RHOU: variants seen among roughly 807,000 people sequenced by gnomAD.
The protein encoded by RHOU is rho-related GTP-binding protein RhoU.
Under a neutral mutation model 12.6 loss-of-function variants are expected in RHOU, and 8 were observed. That is an observed-to-expected ratio of 0.64 (90% CI 0.37 to 1.15). RHOU has a LOEUF of 1.15. Ranked by LOEUF, RHOU falls within the 50% of genes most tolerant of loss-of-function variation. The pLI is 0.01. For missense variants in RHOU, 258 were observed against 347.0 expected (o/e 0.74, Z 2.04); for synonymous variants, 161 against 147.4 (o/e 1.09, Z -0.67).
At chr1:228,684,134 T>G in the RHOU span, among the ~76,000 whole-genome samples, 1 of 151,656 alleles carries the variant, frequency 6.6e-6, no homozygotes, top group Non-Finnish European at 1.5e-5. Context: ...AGCTCCCAGG[T>G]TCAAGCAATT....
upstream of RHOU, among the ~76,000 whole-genome samples, chr1:228,731,056 A>T (rs573833251): frequency 3.9e-5 from 6 of 152,174 alleles, no homozygotes; most frequent in Non-Finnish European, 8.8e-5. Flanking sequence ...ACTATTAATT[A>T]TTTGCTAGTG....
At chr1:228,656,411 A>G in the RHOU span, among the ~76,000 whole-genome samples, 2 of 152,210 alleles carry the variant, frequency 1.3e-5, no homozygotes, top group Non-Finnish European at 2.9e-5. Flanking sequence ...CTTTTTAAAA[A>G]TTACGCTTTT....
chr1:228,680,698 T>G, the RHOU span, among the ~76,000 whole-genome samples: 2 of 152,224 alleles, frequency 1.3e-5, no homozygotes, highest in South Asian at 4.1e-4. Flanking sequence ...GGTGACCTTC[T>G]GGTCCCTCTG....
At chr1:228,646,871 G>T in the RHOU span, among the ~76,000 whole-genome samples, 1 of 151,978 alleles carries the variant, frequency 6.6e-6, no homozygotes, top group Non-Finnish European at 1.5e-5. Context: ...GATGGATGGA[G>T]AGATAGAAAC....
chr1:228,715,661 C>T, the RHOU span, among the ~76,000 whole-genome samples: 4 of 151,876 alleles, frequency 2.6e-5, no homozygotes, highest in Admixed American at 1.3e-4. Flanking sequence ...TAAGATGTAC[C>T]GTATTGATTA....
At chr1:228,730,702 T>C (rs1291801305), upstream of RHOU, among the ~76,000 whole-genome samples, 2 of 152,176 alleles carry the variant, frequency 1.3e-5, no homozygotes, top group Non-Finnish European at 1.5e-5. Context: ...ACTAGGGCAC[T>C]GCTGAAGGAA....
chr1:228,707,211 A>ATATATACATATATATATACATATG, the RHOU span, among the ~76,000 whole-genome samples: 1 of 118,858 alleles, frequency 8.4e-6, no homozygotes, highest in Non-Finnish European at 1.6e-5. Flanking sequence ...ATATACATAT[A>ATATATACATATATATATACATATG]TATATACATA....
At chr1:228,650,143 A>G in the RHOU span, 1 of 448,530 alleles carries the variant, frequency 2.2e-6, no homozygotes, top group Non-Finnish European at 4.4e-6. Context: ...AGATCAATGG[A>G]AAGCAGAGCT....
the RHOU span, among the ~76,000 whole-genome samples, chr1:228,654,637 G>A: frequency 6.6e-6 from 1 of 152,036 alleles, no homozygotes; most frequent in East Asian, 1.9e-4. Context: ...CTTTTACTTG[G>A]CATGATAATG....
chr1:228,672,159 A>G, the RHOU span, among the ~76,000 whole-genome samples: 1 of 152,204 alleles, frequency 6.6e-6, no homozygotes, highest in East Asian at 1.9e-4. Context: ...TTGCATTTTC[A>G]TATATATACA....
the RHOU span, among the ~76,000 whole-genome samples, chr1:228,647,645 G>C: frequency 7.2e-5 from 11 of 152,192 alleles, no homozygotes; most frequent in Non-Finnish European, 1.3e-4. Flanking sequence ...CCGGGAGCGG[G>C]AAGGCACCGC....
chr1:228,713,484 C>T, the RHOU span, among the ~76,000 whole-genome samples: 7 of 152,118 alleles, frequency 4.6e-5, no homozygotes, highest in Admixed American at 4.6e-4. Flanking sequence ...CCAACACACT[C>T]GGCTAATTTT....
In RHOU at chr1:228,743,145, T is replaced by C. The variant is rs899087727; in HGVS notation, c.322-140T>C. 1.2e-6 allele frequency: 1 copy of C among 815,596 alleles called. No individual in the cohort carries two copies. 50.5% of individuals were successfully genotyped at this position (815,596 alleles called of 1,614,324 possible). The stretch of plus-strand genomic sequence containing the variant: ...CGCTTGGGTAAACAGTAGGATCGTT[T>C]CAAGGATGCTGGCTCTTCCTTCTAG... On this transcript the variant is annotated intron_variant, in intron 2 of 2. Coordinates refer to ENST00000366691, the MANE Select transcript of RHOU (RefSeq NM_021205.6). The surrounding 1 kb of genome is among the most constrained non-coding windows in gnomAD (Gnocchi z 5.1).
chr1:228,650,381 T>C, the RHOU span: 1 of 459,526 alleles, frequency 2.2e-6, no homozygotes. Flanking sequence ...AACATCAACC[T>C]CTATTCACTG....
At chr1:228,721,600 G>C in the RHOU span, among the ~76,000 whole-genome samples, 39 of 152,182 alleles carry the variant, frequency 2.6e-4, 1 homozygote, top group Admixed American at 2.4e-3. Flanking sequence ...AAGAAAACCG[G>C]ACTGTTTGGT....
chr1:228,647,004 A>T, the RHOU span, among the ~76,000 whole-genome samples: 3 of 147,742 alleles, frequency 2.0e-5, no homozygotes, highest in Admixed American at 6.8e-5. Context: ...TAGAGAAATA[A>T]CGCGAGGTCC....
At chr1:228,739,581 G>A (rs1467814123) in intron 2 of RHOU, among the ~76,000 whole-genome samples, 2 of 152,136 alleles carry the variant, frequency 1.3e-5, no homozygotes, top group Admixed American at 1.3e-4. Flanking sequence ...TAAAACACAG[G>A]CAGAGGAACA....
chr1:228,687,492 C>T, the RHOU span: 6 of 1,580,476 alleles, frequency 3.8e-6, no homozygotes, highest in South Asian at 3.3e-5. Flanking sequence ...ACTGATGAAG[C>T]TGCAGAACCA....
chr1:228,674,321 A>C, the RHOU span, among the ~76,000 whole-genome samples: 1 of 149,030 alleles, frequency 6.7e-6, no homozygotes, highest in Non-Finnish European at 1.5e-5. Flanking sequence ...TCTAATATAC[A>C]CATCTTTTCC....
Sources: allele counts gnomAD v4.1 joint callset (sites outside exome capture counted in the v4.1 genomes callset), GRCh38; gene constraint gnomAD v4.1.1; non-coding constraint Gnocchi (gnomAD v3.1); transcripts MANE v1.5; gene names NCBI Gene and HGNC (gene_info 2026-07-23, HGNC 2026-07-21).